DLG1: variants seen among roughly 807,000 people sequenced by gnomAD.
DLG1 encodes the protein discs large MAGUK scaffold protein 1, also known as disks large homolog 1.
Under a neutral mutation model 123.4 loss-of-function variants are expected in DLG1, and 42 were observed. That is an observed-to-expected ratio of 0.34 (90% CI 0.27 to 0.44). The LOEUF (loss-of-function observed/expected upper bound fraction) is 0.44, where lower values mean the gene tolerates loss of function less well. Ranked by LOEUF, DLG1 falls within the 20% of genes least tolerant of loss-of-function variation. The pLI, the probability that DLG1 is intolerant of heterozygous loss-of-function variation, is 1.00. For synonymous variants in DLG1, 317 were observed against 356.2 expected, an observed-to-expected ratio of 0.89 and a Z score of 1.24; for missense variants, 942 against 1,082.6, an observed-to-expected ratio of 0.87 and a Z score of 1.82.
chr3:197,194,493 C>T lies in DLG1; in HGVS notation c.415G>A (p.Glu139Lys), dbSNP rs376212918. The T allele has an allele frequency of 1.9e-6, 3 of 1,606,820 alleles. No individual in the cohort carries two copies. The highest frequency in any genetic ancestry group is 2.5e-6 in the Non-Finnish European group (3 of 1,177,288). The change falls in exon 5 of 25, where the codon GAG becomes AAG. Residue 139 changes from glutamate to lysine, a missense_variant. Coordinates refer to ENST00000667157, the MANE Select transcript of DLG1 (RefSeq NM_001366207.1). ...TTCTCAATCTCTGATAAGTTCTTCT[C>T]TGAGACATGAACCAATTCTGGACCT... ...VIGPELVHVS[E>K]KNLSEIENVH...
chr3:197,046,322 T>G (rs1723023667), intron 24 of DLG1, among the ~76,000 whole-genome samples: 1 of 152,008 alleles, frequency 6.6e-6, no homozygotes, highest in Non-Finnish European at 1.5e-5. Context: ...TACATTTTGC[T>G]TACTTTGTAA....
intron 11 of DLG1, among the ~76,000 whole-genome samples, chr3:197,130,055 A>G (rs779512934): frequency 2.8e-4 from 43 of 152,210 alleles, no homozygotes; most frequent in Non-Finnish European, 5.6e-4. Flanking sequence ...AAAGGTGCTG[A>G]TAAATTTGCT....
chr3:197,291,300 TACACACAC>T (rs33920543), intron 3 of DLG1, among the ~76,000 whole-genome samples: 4,608 of 143,252 alleles, frequency 0.032, 103 homozygotes, highest in East Asian at 0.064. Context: ...CCTACAAAGT[TACACACAC>T]ACACACACAC....
chr3:197,089,161 C>G (rs1756202969), intron 15 of DLG1, among the ~76,000 whole-genome samples: 1 of 152,170 alleles, frequency 6.6e-6, no homozygotes, highest in African/African-American at 2.4e-5. Flanking sequence ...ATGCTTGTTT[C>G]TGGAGAATGA....
chr3:197,095,360 T>C (rs1760071892), intron 14 of DLG1, among the ~76,000 whole-genome samples: 1 of 152,166 alleles, frequency 6.6e-6, no homozygotes, highest in Non-Finnish European at 1.5e-5. Flanking sequence ...TTCAAAGTCA[T>C]TTGTTGCATT....
At chr3:197,296,838 TAAC>T (rs767875122) in intron 2 of DLG1, 41,576 of 345,228 alleles carry the variant, frequency 0.12, 3,459 homozygotes, top group African/African-American at 0.28. Flanking sequence ...TCCAAATTTT[TAAC>T]ATTTCAAAAT....
At chr3:197,277,393 C>T (rs1179318288) in intron 4 of DLG1, among the ~76,000 whole-genome samples, 2 of 151,584 alleles carry the variant, frequency 1.3e-5, no homozygotes, top group East Asian at 2.0e-4. Context: ...TGCAGTGGTA[C>T]GATCTTGCCT....
At chr3:197,137,174 A>G (rs1040728696) in intron 9 of DLG1, among the ~76,000 whole-genome samples, 2 of 152,182 alleles carry the variant, frequency 1.3e-5, no homozygotes, top group African/African-American at 4.8e-5. Flanking sequence ...TAGCTTCAAT[A>G]TCAGATAATT....
chr3:197,144,634 G>A (rs1334579773), intron 6 of DLG1, among the ~76,000 whole-genome samples: 1 of 152,110 alleles, frequency 6.6e-6, no homozygotes, highest in Admixed American at 6.5e-5. Context: ...ATAAAATGTA[G>A]CCCTTAATTC....
chr3:197,068,550 A>T lies in DLG1; in HGVS notation c.2047+669T>A, dbSNP rs777731823. ...GTAATCAAGATTACTTTCATATTAG[A>T]CAGCAGTAAAAAAAGAAAGTTAGAA... On this transcript the variant is annotated intron_variant, in intron 19 of 24. Coordinates refer to ENST00000667157, the MANE Select transcript of DLG1 (RefSeq NM_001366207.1). The T allele has an allele frequency of 1.3e-5, 20 of 1,559,518 alleles. No individual in the cohort carries two copies. The East Asian group carries it at 4.1e-4, about 32-fold the overall frequency.
chr3:197,126,614 T>TA (rs1205181467), intron 11 of DLG1, among the ~76,000 whole-genome samples: 1 of 152,140 alleles, frequency 6.6e-6, no homozygotes, highest in Admixed American at 6.5e-5. Flanking sequence ...ATTTAAAAAA[T>TA]ACACAAAGCC....
chr3:197,269,493 G>C (rs1049848546), intron 4 of DLG1, among the ~76,000 whole-genome samples: 1 of 151,878 alleles, frequency 6.6e-6, no homozygotes, highest in African/African-American at 2.4e-5. Flanking sequence ...TAACTTTATT[G>C]CAGTATTTTC....
chr3:197,077,818 C>T (rs1340803331), intron 17 of DLG1, among the ~76,000 whole-genome samples: 4 of 152,006 alleles, frequency 2.6e-5, no homozygotes, highest in East Asian at 1.9e-4. Context: ...TTGAAGGAAA[C>T]GGGCTTACCT....
intron 14 of DLG1, among the ~76,000 whole-genome samples, chr3:197,093,207 G>C (rs1330482150): frequency 6.6e-6 from 1 of 151,322 alleles, no homozygotes; most frequent in Admixed American, 6.6e-5. Flanking sequence ...TCACCAGGCT[G>C]GAGTGCAGTG....
At chr3:197,249,030 G>A (rs750180863) in intron 4 of DLG1, among the ~76,000 whole-genome samples, 29 of 152,122 alleles carry the variant, frequency 1.9e-4, no homozygotes, top group Middle Eastern at 3.4e-3. Flanking sequence ...GCACCTGAAG[G>A]AACCAGAAAA....
chr3:197,097,565 CT>C, intron 14 of DLG1, among the ~76,000 whole-genome samples: 1 of 142,984 alleles, frequency 7.0e-6, no homozygotes, highest in African/African-American at 2.5e-5. Flanking sequence ...AATCTACTAT[CT>C]TTTTTTGTAC....
chr3:197,218,613 TCTC>T (rs1735254340), intron 4 of DLG1, among the ~76,000 whole-genome samples: 1 of 152,204 alleles, frequency 6.6e-6, no homozygotes. Flanking sequence ...AACTATAACT[TCTC>T]CTGCTGTCTG....
chr3:197,276,946 C>T (rs189184242), intron 4 of DLG1, among the ~76,000 whole-genome samples: 2 of 151,816 alleles, frequency 1.3e-5, no homozygotes, highest in South Asian at 2.1e-4. Flanking sequence ...GGCTGGAGTG[C>T]GGTGGTACGA....
At chr3:197,160,254 G>C (rs985987974) in intron 5 of DLG1, among the ~76,000 whole-genome samples, 1 of 151,780 alleles carries the variant, frequency 6.6e-6, no homozygotes, top group African/African-American at 2.4e-5. Flanking sequence ...GAAAAGACAG[G>C]CTCCCAAATG....
Sources: gnomAD v4.1 joint callset for allele counts (sites outside exome capture counted in the v4.1 genomes callset) on GRCh38, gnomAD v4.1.1 for gene constraint, MANE v1.5 for transcripts, NCBI Gene and HGNC (gene_info 2026-07-23, HGNC 2026-07-21) for gene names.